The following TOM1 variants were observed in gnomAD, a reference collection of about 807,000 sequenced individuals.
TOM1 encodes target of Myb protein 1.
Under a neutral mutation model 61.3 loss-of-function variants are expected in TOM1, and 38 were observed. The ratio of observed to expected loss-of-function variants is 0.62; its 90% CI spans 0.48 to 0.81. TOM1 has a LOEUF of 0.81. Among genes scored for constraint, TOM1 ranks in the 40% least tolerant of loss-of-function variants. The probability of loss-of-function intolerance (pLI) is 0.00; values close to 1 mark genes in which losing one functional copy is unlikely to be tolerated. For missense variants in TOM1, 591 were observed against 659.6 expected (o/e 0.90, Z 1.14); for synonymous variants, 270 against 268.8 (o/e 1.00, Z -0.04).
chr22:35,325,301 T>C (rs374574167), intron 6 of TOM1, among the ~76,000 whole-genome samples: 47 of 152,344 alleles, frequency 3.1e-4, no homozygotes, highest in African/African-American at 1.1e-3. Flanking sequence ...TTTGAACTCA[T>C]TCTCACCCTA....
At chr22:35,328,667 C>T (rs1928548625) in intron 7 of TOM1, among the ~76,000 whole-genome samples, 1 of 152,246 alleles carries the variant, frequency 6.6e-6, no homozygotes, top group Non-Finnish European at 1.5e-5. Context: ...GGCACCCGCC[C>T]TGTCCCCGTG....
intron 1 of TOM1, among the ~76,000 whole-genome samples, chr22:35,304,256 A>G (rs1926113146): frequency 6.6e-6 from 1 of 151,616 alleles, no homozygotes; most frequent in Non-Finnish European, 1.5e-5. Context: ...AAGAGCCACA[A>G]CTCTTATTCT....
intron 6 of TOM1, 52 bp from the exon 7 acceptor site, chr22:35,327,219 C>A (rs1928401016): frequency 1.3e-6 from 2 of 1,550,780 alleles, no homozygotes; most frequent in Admixed American, 3.3e-5. Flanking sequence ...CTGTGAGTAA[C>A]ATGGGCCCCA....
At chr22:35,321,393 G>A (rs959256077) in intron 2 of TOM1, among the ~76,000 whole-genome samples, 3 of 150,906 alleles carry the variant, frequency 2.0e-5, no homozygotes, top group East Asian at 1.9e-4. Flanking sequence ...TCACTCTGTC[G>A]CCCAGGCTGG....
chr22:35,340,344 C>T (rs762972935), intron 12 of TOM1, among the ~76,000 whole-genome samples: 2 of 152,120 alleles, frequency 1.3e-5, no homozygotes, highest in Non-Finnish European at 1.5e-5. Flanking sequence ...AGGACCTCAG[C>T]GCGGCTAGGA....
chr22:35,305,297 C>T (rs1294508549), intron 1 of TOM1, among the ~76,000 whole-genome samples: 1 of 152,210 alleles, frequency 6.6e-6, no homozygotes, highest in Non-Finnish European at 1.5e-5. Context: ...CTCTGCTTCC[C>T]AGAGGATTGG....
chr22:35,342,091 T>C (rs1489417083), intron 12 of TOM1, among the ~76,000 whole-genome samples: 1 of 152,032 alleles, frequency 6.6e-6, no homozygotes, highest in Non-Finnish European at 1.5e-5. Flanking sequence ...TCGTGAGCTA[T>C]GACTGTACCA....
In TOM1 at chr22:35,320,269, A is replaced by G. The variant is rs544177161; in HGVS notation, c.138-1690A>G. 3.3e-5 allele frequency among the ~76,000 whole-genome samples: 5 copies of G among 152,274 alleles called. No homozygotes were observed. The East Asian group carries it at 9.7e-4, about 29-fold the overall frequency. Reference sequence around the variant, plus strand: ...TTTTAGCTGAGGCTTCACCTCATGGATGTGGAGGTCAGGAGCCTTCAGGGT... The same window carrying G: ...TTTTAGCTGAGGCTTCACCTCATGGGTGTGGAGGTCAGGAGCCTTCAGGGT... On this transcript the variant is annotated intron_variant, in intron 2 of 14. Transcript: ENST00000449058.
intron 10 of TOM1, among the ~76,000 whole-genome samples, chr22:35,333,778 C>T (rs1929043478): frequency 6.6e-6 from 1 of 152,154 alleles, no homozygotes; most frequent in African/African-American, 2.4e-5. Flanking sequence ...TCTGCGTGAG[C>T]TTGGGCAAGT....
chr22:35,332,035 G>T (rs957438139), intron 8 of TOM1, among the ~76,000 whole-genome samples: 1 of 152,208 alleles, frequency 6.6e-6, no homozygotes, highest in Non-Finnish European at 1.5e-5. Context: ...GCAGTCCAGG[G>T]TGTCTGATAA....
chr22:35,341,025 T>TTGCACACCCGTGTCACATCCACCGCACAC (rs1929834847), intron 12 of TOM1, among the ~76,000 whole-genome samples: 2 of 152,136 alleles, frequency 1.3e-5, no homozygotes, highest in Non-Finnish European at 2.9e-5. Flanking sequence ...GCACAGCACA[T>TTGCACACCCGTGTCACATCCACCGCACAC]TGCACACCCG....
At chr22:35,343,532 ACAC>A (rs1930176424) in intron 12 of TOM1, among the ~76,000 whole-genome samples, 1 of 132,252 alleles carries the variant, frequency 7.6e-6, no homozygotes, top group African/African-American at 2.9e-5. Context: ...CACACCACAC[ACAC>A]ATCTACACCC....
Position 35,327,298 on chromosome 22 carries a change from A to G in TOM1, c.676A>G (p.Met226Val). Residue 226 changes from methionine (M) to valine (V), a missense_variant, in exon 7 of 15, where the codon ATG becomes GTG. Met to Val is a conservative substitution (Grantham distance 21, BLOSUM62 1). Transcript: ENST00000449058. ...QIGKLRSELE[M>V]VSGNVRVMSE... ...TGGGAAGCTGCGCAGTGAGCTGGAGATGGTGAGTGGGAACGTGAGGGTGAT... is the reference window on the plus strand; with the variant it reads ...TGGGAAGCTGCGCAGTGAGCTGGAGGTGGTGAGTGGGAACGTGAGGGTGAT... The G allele has an allele frequency of 3.1e-6, 5 of 1,613,990 alleles. No individual in the cohort carries two copies. The highest frequency in any genetic ancestry group is 4.2e-6 in the Non-Finnish European group (5 of 1,179,988).
intron 11 of TOM1, 48 bp downstream of exon 11, chr22:35,334,496 C>CG (rs1929119584): frequency 6.2e-7 from 1 of 1,609,224 alleles, no homozygotes; most frequent in African/African-American, 1.3e-5. Flanking sequence ...GGGTGGCTCT[C>CG]GGGGTTCTGG....
intron 11 of TOM1, among the ~76,000 whole-genome samples, chr22:35,337,859 C>A (rs966117025): frequency 7.2e-5 from 11 of 152,160 alleles, no homozygotes; most frequent in Admixed American, 6.5e-4. Flanking sequence ...CAGTTCAGGG[C>A]GAGAATAACA....
intron 11 of TOM1, among the ~76,000 whole-genome samples, chr22:35,336,497 C>A (rs565995191): frequency 6.6e-6 from 1 of 152,272 alleles, no homozygotes; most frequent in Non-Finnish European, 1.5e-5. Context: ...ACCGTCACAG[C>A]CTTCCTGCAG....
intron 10 of TOM1, 99 bp from the exon 11 acceptor site, chr22:35,334,228 TC>T: frequency 6.7e-7 from 1 of 1,485,132 alleles, no homozygotes; most frequent in South Asian, 1.3e-5. Flanking sequence ...ACGTGCCACT[TC>T]CCCAGCACCA....
At chr22:35,305,464 A>G (rs9622171) in intron 1 of TOM1, among the ~76,000 whole-genome samples, 9,198 of 152,234 alleles carry the variant, frequency 0.06, 619 homozygotes, top group African/African-American at 0.14. Context: ...AATTGAGACC[A>G]TCCTGGCCAA....
Position 35,333,849 on chromosome 22 carries a change from G to A in TOM1, c.1027+352G>A, listed in dbSNP as rs73402496. 8.1e-3 allele frequency among the ~76,000 whole-genome samples: 1,237 copies of A among 152,280 alleles called. 10 individuals carry two copies. Among genetic ancestry groups the A allele is most frequent in the African/African-American group, 0.029 (1,186 of 41,546 alleles). ...TAACAGGAGTAGGGAGCTCGTGTAT[G>A]AGAAGCGCTTAGACCATGCCAGGCC... On this transcript the variant is annotated intron_variant, in intron 10 of 14. Coordinates refer to ENST00000449058, the MANE Select transcript of TOM1 (RefSeq NM_005488.3).
Sources: allele counts gnomAD v4.1 joint callset (sites outside exome capture counted in the v4.1 genomes callset), GRCh38; gene constraint gnomAD v4.1.1; transcripts MANE v1.5; gene names NCBI Gene and HGNC (gene_info 2026-07-23, HGNC 2026-07-21).